The following BRIP1 variants were observed in gnomAD, a reference collection of about 807,000 sequenced individuals.
The protein encoded by BRIP1 is BRCA1 interacting DNA helicase 1.
BRIP1 carries 88 observed loss-of-function variants against 119.7 expected under a neutral mutation model. That is an observed-to-expected ratio of 0.74 (90% CI 0.62 to 0.88). The LOEUF (loss-of-function observed/expected upper bound fraction) is 0.88. BRIP1 is among the 40% of genes least tolerant of loss of function. The pLI is 0.00. For missense variants in BRIP1, 1,259 were observed against 1,455.4 expected, an observed-to-expected ratio of 0.87 and a Z score of 2.20; for synonymous variants, 443 against 496.5, an observed-to-expected ratio of 0.89 and a Z score of 1.43.
chr17:61,721,641 TGAAAC>T (rs1274212999), intron 16 of BRIP1, among the ~76,000 whole-genome samples: 1 of 149,820 alleles, frequency 6.7e-6, no homozygotes, highest in African/African-American at 2.5e-5. Context: ...ATTTCTAAAA[TGAAAC>T]TTTACAACTA....
chr17:61,730,974 A>G lies in BRIP1; in HGVS notation c.2379+12039T>C, dbSNP rs1022214037. 1.3e-5 allele frequency among the ~76,000 whole-genome samples: 2 copies of G among 152,020 alleles called. No homozygotes were observed. The highest frequency in any genetic ancestry group is 2.4e-5 in the African/African-American group (1 of 41,414). ...TTTTGCTGGCCAAGGTAAATATACA[A>G]TTTATTAACCTAGACAGCTTACTTA... On this transcript the variant is annotated intron_variant, in intron 16 of 19. Transcript: ENST00000259008. This position sits in a 1 kb window ranked among gnomAD's most constrained non-coding sequence, Gnocchi z 4.3.
rs968681296 is a variant in BRIP1 at position 61,752,733 on chromosome 17, T to G, written c.2098-8142A>C. On this transcript the variant is annotated intron_variant, in intron 14 of 19. Coordinates refer to ENST00000259008, the MANE Select transcript of BRIP1 (RefSeq NM_032043.3). This position sits in a 1 kb window ranked among gnomAD's most constrained non-coding sequence, Gnocchi z 6.2. The stretch of plus-strand genomic sequence containing the variant: ...ATAAAATCTGTGATAGGTGTTAACT[T>G]TATATGTGAGCTATGACTTTATCTT... Among the ~76,000 whole-genome samples the G allele has an allele frequency of 6.6e-6, 1 of 152,166 alleles. No homozygotes were observed. The highest frequency in any genetic ancestry group is 1.5e-5 in the Non-Finnish European group (1 of 68,032).
At position 61,722,640 on chromosome 17, in the gene BRIP1, A is replaced by G. The variant is rs16945572; in HGVS notation, c.2380-6577T>C. Among the ~76,000 whole-genome samples, 12,186 of 152,208 alleles carry G rather than the reference A, an allele frequency of 0.08. 628 individuals are homozygous for G. The highest frequency in any genetic ancestry group is 0.26 in the South Asian group (1,245 of 4,818). ...ATGTGTTTTCAAAATTTCCTACACCATGGACAGACTGATACATTATAGTGG... is the reference window on the plus strand; with the variant it reads ...ATGTGTTTTCAAAATTTCCTACACCGTGGACAGACTGATACATTATAGTGG... On this transcript the variant is annotated intron_variant, in intron 16 of 19. Transcript: ENST00000259008. This position sits in a 1 kb window ranked among gnomAD's most constrained non-coding sequence, Gnocchi z 4.6.
chr17:61,812,646 A>C (rs1047834064), intron 6 of BRIP1, among the ~76,000 whole-genome samples: 6 of 152,064 alleles, frequency 3.9e-5, no homozygotes, highest in African/African-American at 1.4e-4. Context: ...GACAGCTATA[A>C]TATTTCCATG....
intron 6 of BRIP1, among the ~76,000 whole-genome samples, chr17:61,811,130 GTTTT>G (rs1223976812): frequency 1.3e-5 from 2 of 151,950 alleles, no homozygotes; most frequent in Non-Finnish European, 2.9e-5. Flanking sequence ...GTTTTTGTTT[GTTTT>G]TTTAAGTTGT....
chr17:61,689,305 A>G lies in BRIP1; in HGVS notation c.2576-3140T>C, dbSNP rs1002357934. Among the ~76,000 whole-genome samples the G allele has an allele frequency of 6.6e-6, 1 of 152,030 alleles. No individual in the cohort carries two copies. Among genetic ancestry groups the G allele is most frequent in the African/African-American group, 2.4e-5 (1 of 41,396 alleles). ...GTGATCCACCTTCCTCAGCCTCCCA[A>G]AGTGCTAAGAATCAGGAAATTTGAA... On this transcript the variant is annotated intron_variant, in intron 18 of 19. Coordinates refer to ENST00000259008, the MANE Select transcript of BRIP1 (RefSeq NM_032043.3). This position sits in a 1 kb window ranked among gnomAD's most constrained non-coding sequence, Gnocchi z 4.5.
At chr17:61,783,008 A>G (rs989424197) in intron 11 of BRIP1, among the ~76,000 whole-genome samples, 2 of 152,196 alleles carry the variant, frequency 1.3e-5, no homozygotes, top group African/African-American at 4.8e-5. Flanking sequence ...AGTTAAATGC[A>G]GCATTACCAT....
chr17:61,859,123 C>T (rs2078938855), intron 3 of BRIP1, among the ~76,000 whole-genome samples: 1 of 150,082 alleles, frequency 6.7e-6, no homozygotes, highest in Non-Finnish European at 1.5e-5. Flanking sequence ...TACTAAATTT[C>T]TGTTTATCTG....
Position 61,744,412 on chromosome 17 carries a change from A to G in BRIP1, c.2257+20T>C. The G allele has an allele frequency of 1.9e-6, 3 of 1,610,046 alleles. No homozygotes were observed. The Middle Eastern group carries it at 5.0e-4, about 266-fold the overall frequency. ...AATAAAAAATATTTTTTCACCGACC[A>G]TGAAATAATTTCCAGTTACCTTTCT... On this transcript the variant is annotated intron_variant, in intron 15 of 19. Transcript: ENST00000259008. This position sits in a 1 kb window ranked among gnomAD's most constrained non-coding sequence, Gnocchi z 5.0.
At chr17:61,750,331 G>A (rs1267041893) in intron 14 of BRIP1, among the ~76,000 whole-genome samples, 2 of 152,120 alleles carry the variant, frequency 1.3e-5, no homozygotes, top group African/African-American at 4.8e-5. Flanking sequence ...TAAAAAGAAT[G>A]AAGTAACACC....
At chr17:61,854,435 G>A (rs1257057269) in intron 4 of BRIP1, among the ~76,000 whole-genome samples, 5 of 152,074 alleles carry the variant, frequency 3.3e-5, no homozygotes, top group Admixed American at 6.5e-5. Context: ...GGCCAGGCAC[G>A]GTGGCTCACG....
rs1425944596 is a variant in BRIP1, at chr17:61,789,582, G to A, written c.1473+4015C>T. Among the ~76,000 whole-genome samples, 1 of 152,006 alleles carries A rather than the reference G, an allele frequency of 6.6e-6. No individual in the cohort carries two copies. The highest frequency in any genetic ancestry group is 1.5e-5 in the Non-Finnish European group (1 of 67,986). Reference sequence around the variant, plus strand: ...TAAATTCAAAAACCACAATTCATAAGGGATGTTCATATCAGAACTGTTTAT... The same window carrying A: ...TAAATTCAAAAACCACAATTCATAAAGGATGTTCATATCAGAACTGTTTAT... On this transcript the variant is annotated intron_variant, in intron 10 of 19. Coordinates refer to ENST00000259008, the MANE Select transcript of BRIP1 (RefSeq NM_032043.3). This position sits in a 1 kb window ranked among gnomAD's most constrained non-coding sequence, Gnocchi z 4.8.
At position 61,843,200 on chromosome 17, in the gene BRIP1, T is replaced by C. The variant is rs1267847392; in HGVS notation, c.627+3901A>G. ...AAACAGAAATCAGAACAATGGTTAC[T>C]GGGGCAGGGAGGTGGGGGATTTGAG... On this transcript the variant is annotated intron_variant, in intron 6 of 19. Coordinates refer to ENST00000259008, the MANE Select transcript of BRIP1 (RefSeq NM_032043.3). The surrounding 1 kb of genome is among the most constrained non-coding windows in gnomAD (Gnocchi z 5.7). Among the ~76,000 whole-genome samples the C allele has an allele frequency of 6.6e-6, 1 of 152,104 alleles. No individual in the cohort carries two copies. The highest frequency in any genetic ancestry group is 1.5e-5 in the Non-Finnish European group (1 of 68,020).
At position 61,745,567 on chromosome 17, in the gene BRIP1, C is replaced by T. The variant is rs541534770; in HGVS notation, c.2098-976G>A. ...TATTTTGTGTAGAGATGAGATCCTG[C>T]TTTGTTGCCCAGGCTAGTCTCAAAC... On this transcript the variant is annotated intron_variant, in intron 14 of 19. Coordinates refer to ENST00000259008, the MANE Select transcript of BRIP1 (RefSeq NM_032043.3). This position sits in a 1 kb window ranked among gnomAD's most constrained non-coding sequence, Gnocchi z 4.4. Among the ~76,000 whole-genome samples the T allele has an allele frequency of 6.6e-6, 1 of 152,278 alleles. No individual in the cohort carries two copies. Among genetic ancestry groups the T allele is most frequent in the African/African-American group, 2.4e-5 (1 of 41,550 alleles).
rs543817068 is a variant in BRIP1 at position 61,746,568 on chromosome 17, C to G, written c.2098-1977G>C. Among the ~76,000 whole-genome samples, 1 of 119,664 alleles carries G rather than the reference C, an allele frequency of 8.4e-6. No homozygotes were observed. The highest frequency in any genetic ancestry group is 3.2e-4 in the South Asian group (1 of 3,092). 78.5% of individuals were successfully genotyped at this position (119,664 alleles called of 152,430 possible). On this transcript the variant is annotated intron_variant, in intron 14 of 19. Transcript: ENST00000259008. The surrounding 1 kb of genome is among the most constrained non-coding windows in gnomAD (Gnocchi z 4.9). The stretch of plus-strand genomic sequence containing the variant: ...CTAAGATACTAAATAGATTCTAAGT[C>G]AAAAATTGTCACAAGAGACAAAAAA...
In BRIP1 at chr17:61,683,093, T is replaced by G; in HGVS notation, c.*203A>C. ...TTGCAGTGAGCCCAGAGCACACCAC[T>G]GCATTCCAGCCTGGGCAACAGACCA... On this transcript the variant is annotated 3_prime_UTR_variant, in exon 20 of 20. Transcript: ENST00000259008. This position sits in a 1 kb window ranked among gnomAD's most constrained non-coding sequence, Gnocchi z 4.7. 1 of 578,560 alleles carries G rather than the reference T, an allele frequency of 1.7e-6. No homozygotes were observed. The highest frequency in any genetic ancestry group is 2.9e-6 in the Non-Finnish European group (1 of 340,900). 35.8% of individuals were successfully genotyped at this position (578,560 alleles called of 1,614,324 possible). A position where few individuals can be genotyped will look rare whatever the true frequency, so the allele number is the denominator to read the frequency against.
At position 61,770,158 on chromosome 17, in the gene BRIP1, A is replaced by G. The variant is rs538214256; in HGVS notation, c.2097+6243T>C. Among the ~76,000 whole-genome samples the G allele has an allele frequency of 6.6e-6, 1 of 152,364 alleles. No individual in the cohort carries two copies. Among genetic ancestry groups the G allele is most frequent in the South Asian group, 2.1e-4 (1 of 4,834 alleles). ...GCTCCCTGCCATCTAATCTTATGAT[A>G]TGAATGAAGAGCTCAGAAACACTTG... On this transcript the variant is annotated intron_variant, in intron 14 of 19. Transcript: ENST00000259008. This position sits in a 1 kb window ranked among gnomAD's most constrained non-coding sequence, Gnocchi z 4.7.
At chr17:61,765,069 G>C (rs1158840708) in intron 14 of BRIP1, among the ~76,000 whole-genome samples, 1 of 151,362 alleles carries the variant, frequency 6.6e-6, no homozygotes, top group Non-Finnish European at 1.5e-5. Flanking sequence ...CGAGATGATG[G>C]AGCAAGAAGG....
rs1052285146 is a variant in BRIP1, at chr17:61,689,204, C to T, written c.2576-3039G>A. ...GACTACAGGCATGTACCACCACACC[C>T]GGCTAATTGTCGTATTTTTAGTAGA... On this transcript the variant is annotated intron_variant, in intron 18 of 19. Coordinates refer to ENST00000259008, the MANE Select transcript of BRIP1 (RefSeq NM_032043.3). This position sits in a 1 kb window ranked among gnomAD's most constrained non-coding sequence, Gnocchi z 4.5. 6.6e-6 allele frequency among the ~76,000 whole-genome samples: 1 copy of T among 151,856 alleles called. No homozygotes were observed. Among genetic ancestry groups the T allele is most frequent in the African/African-American group, 2.4e-5 (1 of 41,314 alleles).
Sources: allele counts gnomAD v4.1 joint callset (sites outside exome capture counted in the v4.1 genomes callset), GRCh38; gene constraint gnomAD v4.1.1; non-coding constraint Gnocchi (gnomAD v3.1); transcripts MANE v1.5; gene names NCBI Gene and HGNC (gene_info 2026-07-23, HGNC 2026-07-21).